Variants in NWD1 observed in about 807,000 individuals in gnomAD.
NWD1 encodes the protein NACHT domain- and WD repeat-containing protein 1.
NWD1 carries 129 observed loss-of-function variants against 135.1 expected under a neutral mutation model. The observed-to-expected ratio is 0.96, with a 90% CI of 0.83 to 1.11. NWD1 has a LOEUF of 1.11. Ranked by LOEUF, NWD1 falls within the 50% of genes least tolerant of loss-of-function variation. The pLI is 0.00. For synonymous variants in NWD1, 773 were observed against 786.0 expected (o/e 0.98, Z 0.28); for missense variants, 1,740 against 1,851.3 (o/e 0.94, Z 1.10).
chr19:16,759,384 C>G lies in NWD1; in HGVS notation c.1929C>G (p.Ala643=), dbSNP rs781552364. Residue 643 remains alanine, a synonymous_variant, in exon 7 of 19, where the codon GCC becomes GCG. Transcript: ENST00000524140. ...GTCGGGATCTGGGATACTACTTGGC[C>G]CGGCGGCCCGTGGATGGCTTCACCC... ...RLRRDLGYYL[A]RRPVDGFTLL... 1.1e-5 allele frequency: 17 copies of G among 1,599,054 alleles called. No homozygotes were observed.
At chr19:16,734,104 A>G (rs940126301) in intron 3 of NWD1, among the ~76,000 whole-genome samples, 5 of 151,840 alleles carry the variant, frequency 3.3e-5, no homozygotes, top group African/African-American at 4.8e-5. Flanking sequence ...GCACAAATGA[A>G]CTGCAAGCGT....
chr19:16,806,754 C>A (rs775449114), intron 17 of NWD1, among the ~76,000 whole-genome samples: 1 of 152,036 alleles, frequency 6.6e-6, no homozygotes, highest in Non-Finnish European at 1.5e-5. Flanking sequence ...ATGGCTCATG[C>A]CTGTAATCCC....
rs776004692 is a variant in NWD1, at chr19:16,807,568, AT to A, written c.3737-13del. 914 of 1,514,484 alleles carry A rather than the reference AT, an allele frequency of 6.0e-4. No individual in the cohort carries two copies. The highest frequency in any genetic ancestry group is 7.8e-4 in the Non-Finnish European group (883 of 1,131,120). The allele number at this position is 1,514,484 out of a possible 1,614,324, so 93.8% of individuals were successfully genotyped here. ...TTCACTCTCAGTGTAAGTCATTCTCATTTTTCTTCCCTGGCAGGCGAGGAAC... is the reference window on the plus strand; with the variant it reads ...TTCACTCTCAGTGTAAGTCATTCTCATTTTCTTCCCTGGCAGGCGAGGAAC... On this transcript the variant is annotated splice_polypyrimidine_tract_variant and intron_variant, in intron 17 of 18. Coordinates refer to ENST00000524140, the MANE Select transcript of NWD1 (RefSeq NM_001007525.5).
At position 16,815,355 on chromosome 19, in the gene NWD1, G is replaced by C; in HGVS notation, c.*316G>C. 2.9e-6 allele frequency: 2 copies of C among 699,454 alleles called. No homozygotes were observed. Among genetic ancestry groups the C allele is most frequent in the Non-Finnish European group, 5.2e-6 (2 of 383,556 alleles). The allele number at this position is 699,454 out of a possible 1,614,324, so 43.3% of individuals were successfully genotyped here. ...AAAAATAAAAATAAAAAAACCCTGT[G>C]GGGGTATGGGGCTCCAGTGAGTTAG... On this transcript the variant is annotated 3_prime_UTR_variant, in exon 19 of 19. Transcript: ENST00000524140.
chr19:16,748,141 G>C (rs115169744), intron 5 of NWD1, among the ~76,000 whole-genome samples: 1 of 152,024 alleles, frequency 6.6e-6, no homozygotes, highest in East Asian at 1.9e-4. Context: ...GCGGCATCAC[G>C]CTGGGCTAAT....
chr19:16,752,425 G>A (rs1350283053), intron 6 of NWD1, among the ~76,000 whole-genome samples: 3 of 152,252 alleles, frequency 2.0e-5, no homozygotes, highest in Non-Finnish European at 4.4e-5. Flanking sequence ...GGAGGCTGAG[G>A]TGGGAGGATC....
chr19:16,746,878 T>G (rs1266958887), intron 5 of NWD1, among the ~76,000 whole-genome samples: 2 of 151,968 alleles, frequency 1.3e-5, no homozygotes, highest in African/African-American at 2.4e-5. Context: ...CTCATCATCT[T>G]CACCTTGAGT....
rs1202910639 is a variant in NWD1, at chr19:16,763,955, G to GC, written c.2251+16dup. On this transcript the variant is annotated intron_variant, in intron 9 of 18. Transcript: ENST00000524140. ...AAACAGGAGGTTCTGGGTAAGGGCT[G>GC]CCCCCCATCTCAGAGGACCGAGCCT... is the stretch of plus-strand genomic sequence containing the variant. 1.3e-6 allele frequency: 2 copies of GC among 1,545,574 alleles called. No homozygotes were observed. Among genetic ancestry groups the GC allele is most frequent in the Non-Finnish European group, 1.8e-6 (2 of 1,117,794 alleles).
At chr19:16,794,147 C>CATGAGCCTGGGAGGTAGAGG (rs1970341980) in intron 14 of NWD1, among the ~76,000 whole-genome samples, 1 of 152,094 alleles carries the variant, frequency 6.6e-6, no homozygotes, top group African/African-American at 2.4e-5. Context: ...GGGCGGATCA[C>CATGAGCCTGGGAGGTAGAGG]CTGAGATCAA....
intron 12 of NWD1, among the ~76,000 whole-genome samples, chr19:16,786,789 C>T (rs1313388921): frequency 6.6e-6 from 1 of 151,946 alleles, no homozygotes; most frequent in East Asian, 1.9e-4. Flanking sequence ...TGAGCTCAGG[C>T]GATCTGCCCG....
chr19:16,770,017 A>G (rs1385645512), intron 10 of NWD1, among the ~76,000 whole-genome samples: 1 of 152,068 alleles, frequency 6.6e-6, no homozygotes, highest in African/African-American at 2.4e-5. Context: ...TTTGCCTTTA[A>G]TTATGATTTC....
At chr19:16,731,610 CT>C (rs35083498) in intron 3 of NWD1, among the ~76,000 whole-genome samples, 76 of 139,464 alleles carry the variant, frequency 5.4e-4, no homozygotes, top group Admixed American at 1.7e-3. Flanking sequence ...CAGCCCCATG[CT>C]TTTTTTTTTT....
chr19:16,748,809 G>GT (rs950825649), intron 5 of NWD1, among the ~76,000 whole-genome samples: 34 of 151,870 alleles, frequency 2.2e-4, no homozygotes, highest in African/African-American at 8.2e-4. Flanking sequence ...GGGTGACAGA[G>GT]TGAGACCCTG....
At chr19:16,740,735 G>C (rs1484223082) in intron 4 of NWD1, among the ~76,000 whole-genome samples, 2 of 146,428 alleles carry the variant, frequency 1.4e-5, no homozygotes, top group East Asian at 2.0e-4. Context: ...TTCTCCCAAA[G>C]TGCTGGGATT....
At chr19:16,784,730 A>G (rs1489144381) in intron 12 of NWD1, among the ~76,000 whole-genome samples, 2 of 152,010 alleles carry the variant, frequency 1.3e-5, no homozygotes, top group Admixed American at 6.6e-5. Context: ...AGAGATCGAG[A>G]CCATCCTGGC....
rs563049264 is a variant in NWD1, at chr19:16,816,814, C to T, written c.*1775C>T. ...TACTGCTGTCTTATTCATCCATTTT[C>T]CAAACCAGTTTTCCAAGGCAGGTTT... On this transcript the variant is annotated 3_prime_UTR_variant, in exon 19 of 19. Coordinates refer to ENST00000524140, the MANE Select transcript of NWD1 (RefSeq NM_001007525.5). The T allele has an allele frequency of 6.6e-6, 1 of 152,292 alleles. No homozygotes were observed. Among genetic ancestry groups the T allele is most frequent in the South Asian group, 2.1e-4 (1 of 4,820 alleles). 9.4% of individuals were successfully genotyped at this position (152,292 alleles called of 1,614,324 possible).
Position 16,750,124 on chromosome 19 carries a change from C to T in NWD1, c.1482C>T (p.Pro494=). ...CGGAGGCCTACTGGGAGGTGAAGCC[C>T]CTTTCCGGAAACCAAGGCCAGCAGA... ...LDPEAYWEVK[P]LSGNQGQQMI... Residue 494 remains proline, a synonymous_variant, in exon 6 of 19, where the codon CCC becomes CCT. Transcript: ENST00000524140. 1 of 1,614,002 alleles carries T rather than the reference C, an allele frequency of 6.2e-7. No individual in the cohort carries two copies. Among genetic ancestry groups the T allele is most frequent in the Non-Finnish European group, 8.5e-7 (1 of 1,180,020 alleles).
At position 16,815,137 on chromosome 19, in the gene NWD1, C is replaced by T. The variant is rs1971030950; in HGVS notation, c.*98C>T. On this transcript the variant is annotated 3_prime_UTR_variant, in exon 19 of 19. Transcript: ENST00000524140. ...ATGGTTATCTGATCCGAGAGAATTT[C>T]CAGTGCCTTTCAGCAAAAGCCTCAC... The T allele has an allele frequency of 3.9e-6, 5 of 1,279,256 alleles. No individual in the cohort carries two copies. In the African/African-American group the frequency reaches 4.4e-5, roughly 11 times the overall value. 79.2% of individuals were successfully genotyped at this position (1,279,256 alleles called of 1,614,324 possible). A position where few individuals can be genotyped will look rare whatever the true frequency, so the allele number is the denominator to read the frequency against.
intron 5 of NWD1, chr19:16,744,956 C>A: frequency 1.5e-6 from 1 of 648,368 alleles, no homozygotes; most frequent in Non-Finnish European, 2.8e-6. Context: ...TTCTTCTTGT[C>A]TCCCAGGGAG....
Sources: gnomAD v4.1 joint callset for allele counts (sites outside exome capture counted in the v4.1 genomes callset) on GRCh38, gnomAD v4.1.1 for gene constraint, MANE v1.5 for transcripts, NCBI Gene and HGNC (gene_info 2026-07-23, HGNC 2026-07-21) for gene names.